The following SLC38A6 variants were observed in gnomAD, a reference collection of about 807,000 sequenced individuals.
The protein encoded by SLC38A6 is solute carrier family 38 member 6, also known as N system amino acid transporter NAT-1.
SLC38A6 carries 73 observed loss-of-function variants against 65.0 expected under a neutral mutation model. The observed-to-expected ratio is 1.12, with a 90% CI of 0.93 to 1.37. SLC38A6 has a LOEUF of 1.37. SLC38A6 is among the 40% of genes most tolerant of loss of function. The probability of loss-of-function intolerance (pLI) is 0.00; values close to 1 mark genes in which losing one functional copy is unlikely to be tolerated. For missense variants in SLC38A6, 561 were observed against 531.1 expected (o/e 1.06, Z -0.55); for synonymous variants, 183 against 178.8 (o/e 1.02, Z -0.19).
intron 3 of SLC38A6, among the ~76,000 whole-genome samples, chr14:61,011,863 G>T (rs1453397856): frequency 6.6e-6 from 1 of 152,158 alleles, no homozygotes; most frequent in Non-Finnish European, 1.5e-5. Flanking sequence ...TTGTGTCTCT[G>T]CCAGACTTTG....
intron 15 of SLC38A6, among the ~76,000 whole-genome samples, chr14:61,061,346 T>C (rs1349808671): frequency 6.6e-6 from 1 of 152,256 alleles, no homozygotes; most frequent in African/African-American, 2.4e-5. Context: ...AAGTATTTTG[T>C]TGAGGATTTT....
chr14:61,004,947 T>C (rs972819858), intron 3 of SLC38A6, among the ~76,000 whole-genome samples: 7 of 152,194 alleles, frequency 4.6e-5, no homozygotes, highest in African/African-American at 1.7e-4. Context: ...AATAAAATAC[T>C]GGCAAACTGA....
chr14:61,064,451 A>G (rs997996003), intron 15 of SLC38A6, among the ~76,000 whole-genome samples: 2 of 151,956 alleles, frequency 1.3e-5, no homozygotes, highest in African/African-American at 4.8e-5. Flanking sequence ...TGCTCATGAG[A>G]TAGGATCATG....
rs771793390 is a variant in SLC38A6, at chr14:60,991,372, G to C, written c.310+6569G>C. Among the ~76,000 whole-genome samples, 24 of 152,216 alleles carry C rather than the reference G, an allele frequency of 1.6e-4. No individual in the cohort carries two copies. In the Middle Eastern group the frequency reaches 0.01, roughly 65 times the overall value. On this transcript the variant is annotated intron_variant, in intron 3 of 15. Coordinates refer to ENST00000267488, the MANE Select transcript of SLC38A6 (RefSeq NM_153811.3). ...ATCATTCTAAGGACTTTATGAATAT[G>C]AATATTCATTTAATCTTCATAATAA...
At chr14:61,030,665 G>A in intron 6 of SLC38A6, 142 bp downstream of exon 6, 1 of 582,044 alleles carries the variant, frequency 1.7e-6, no homozygotes, top group South Asian at 2.2e-5. Context: ...AGGCAGAAGT[G>A]AAGCAGTAAT....
rs533919934 is a variant in SLC38A6, at chr14:61,052,466, C to A, written c.*37C>A. ...TCCTACTTCTTACAAGAATAATATA[C>A]CCCTAGTTGCAAGAATGAATTATTC... On this transcript the variant is annotated 3_prime_UTR_variant, in exon 16 of 16. Transcript: ENST00000267488. 6.8e-5 allele frequency: 104 copies of A among 1,527,648 alleles called. 1 individual carries two copies. In the South Asian group the frequency reaches 1.2e-3, roughly 17 times the overall value. The allele number at this position is 1,527,648 out of a possible 1,614,324, so 94.6% of individuals were successfully genotyped here.
intron 4 of SLC38A6, among the ~76,000 whole-genome samples, 163 bp from the exon 5 acceptor site, chr14:61,019,378 T>G (rs2040216618): frequency 6.6e-6 from 1 of 152,208 alleles, no homozygotes; most frequent in African/African-American, 2.4e-5. Context: ...AATGTGATGA[T>G]TATTAATTTT....
intron 3 of SLC38A6, among the ~76,000 whole-genome samples, chr14:61,006,167 A>T (rs1250219907): frequency 2.0e-5 from 3 of 152,234 alleles, no homozygotes; most frequent in African/African-American, 4.8e-5. Context: ...CACCTTATAC[A>T]AAAATTAATT....
intron 12 of SLC38A6, among the ~76,000 whole-genome samples, chr14:61,047,110 C>T (rs2042197758): frequency 6.6e-6 from 1 of 152,018 alleles, no homozygotes; most frequent in Non-Finnish European, 1.5e-5. Context: ...ATTAAAATTG[C>T]TACCTGGCAC....
intron 5 of SLC38A6, among the ~76,000 whole-genome samples, chr14:61,026,088 A>G (rs947407627): frequency 2.0e-5 from 3 of 152,138 alleles, no homozygotes; most frequent in Non-Finnish European, 2.9e-5. Context: ...AACAAAAAAG[A>G]TTCTTATCTT....
intron 3 of SLC38A6, among the ~76,000 whole-genome samples, chr14:60,986,443 A>G (rs2037455864): frequency 6.6e-6 from 1 of 152,232 alleles, no homozygotes; most frequent in African/African-American, 2.4e-5. Flanking sequence ...ATTCTTATGC[A>G]AATCTAGTTT....
At chr14:61,010,476 G>C (rs1307807880) in intron 3 of SLC38A6, among the ~76,000 whole-genome samples, 2 of 152,302 alleles carry the variant, frequency 1.3e-5, no homozygotes, top group Admixed American at 1.3e-4. Flanking sequence ...GTCCTGAATG[G>C]TATTGCCTAG....
intron 3 of SLC38A6, among the ~76,000 whole-genome samples, chr14:61,011,720 C>T (rs1437576988): frequency 1.3e-5 from 2 of 152,196 alleles, no homozygotes; most frequent in South Asian, 4.1e-4. Context: ...CCTTCCATCC[C>T]AGGGATGAAG....
At chr14:61,005,983 T>C (rs1467985152) in intron 3 of SLC38A6, among the ~76,000 whole-genome samples, 1 of 152,074 alleles carries the variant, frequency 6.6e-6, no homozygotes, top group Non-Finnish European at 1.5e-5. Flanking sequence ...AACAGAGATA[T>C]AGATCAATGG....
At chr14:61,062,756 C>G (rs2042895242) in intron 15 of SLC38A6, among the ~76,000 whole-genome samples, 1 of 152,222 alleles carries the variant, frequency 6.6e-6, no homozygotes, top group African/African-American at 2.4e-5. Flanking sequence ...TCTCGGCTCA[C>G]TGCAACCTCT....
At chr14:61,015,033 A>G (rs2039891409) in intron 3 of SLC38A6, among the ~76,000 whole-genome samples, 1 of 152,184 alleles carries the variant, frequency 6.6e-6, no homozygotes, top group Non-Finnish European at 1.5e-5. Context: ...GGCTCCACCC[A>G]GTTCGAGCTT....
chr14:61,079,595 A>G (rs1269872917), intron 16 of SLC38A6, among the ~76,000 whole-genome samples: 3 of 152,220 alleles, frequency 2.0e-5, no homozygotes, highest in Non-Finnish European at 4.4e-5. Context: ...CAGGAAACCT[A>G]TGCTCAACAT....
At chr14:61,049,167 A>T (rs1363455672) in intron 12 of SLC38A6, among the ~76,000 whole-genome samples, 3 of 152,094 alleles carry the variant, frequency 2.0e-5, no homozygotes, top group Non-Finnish European at 4.4e-5. Flanking sequence ...TTTAGTTCAG[A>T]TCATAATACA....
rs2037156693 is a variant in SLC38A6, at chr14:60,982,744, T to C, written c.236+106T>C. ...CTGCTATTATACAATTTCTAGTTAG[T>C]TATTTCTGGGGTTTTAGCATTTTTC... On this transcript the variant is annotated intron_variant, in intron 2 of 15. Coordinates refer to ENST00000267488, the MANE Select transcript of SLC38A6 (RefSeq NM_153811.3). 3 of 1,290,402 alleles carry C rather than the reference T, an allele frequency of 2.3e-6. No homozygotes were observed. In the East Asian group the frequency reaches 7.3e-5, roughly 32 times the overall value. 79.9% of individuals were successfully genotyped at this position (1,290,402 alleles called of 1,614,324 possible). A position where few individuals can be genotyped will look rare whatever the true frequency, so the allele number is the denominator to read the frequency against.
Sources: allele counts gnomAD v4.1 joint callset (sites outside exome capture counted in the v4.1 genomes callset), GRCh38; gene constraint gnomAD v4.1.1; transcripts MANE v1.5; gene names NCBI Gene and HGNC (gene_info 2026-07-23, HGNC 2026-07-21).